Variants in CUX1 observed in about 807,000 individuals in gnomAD.
CUX1 encodes cut like homeobox 1.
CUX1 carries 31 observed loss-of-function variants against 158.8 expected under a neutral mutation model. The observed-to-expected ratio is 0.20, with a 90% CI of 0.15 to 0.26. The LOEUF (loss-of-function observed/expected upper bound fraction) is 0.26, where lower values mean the gene tolerates loss of function less well. CUX1 is among the 10% of genes least tolerant of loss of function. CUX1 has a pLI of 1.00. For missense variants in CUX1, 1,589 were observed against 2,014.6 expected (o/e 0.79, Z 4.04); for synonymous variants, 879 against 862.1 (o/e 1.02, Z -0.34).
At chr7:102,272,355 G>C (rs548419146) in intron 14 of CUX1, among the ~76,000 whole-genome samples, 1 of 152,186 alleles carries the variant, frequency 6.6e-6, no homozygotes, top group South Asian at 2.1e-4. Context: ...CATTTCCCTG[G>C]CACTGCCCAC....
chr7:102,239,263 A>G, intron 22 of CUX1, 57 bp from the exon 23 acceptor site: 6 of 1,547,880 alleles, frequency 3.9e-6, no homozygotes, highest in Non-Finnish European at 3.5e-6. Flanking sequence ...GGGACTGGGG[A>G]TTTGGGCTGC....
intron 12 of CUX1, among the ~76,000 whole-genome samples, chr7:102,192,690 C>T (rs1444744436): frequency 1.3e-5 from 2 of 152,064 alleles, no homozygotes; most frequent in African/African-American, 2.4e-5. Flanking sequence ...GGACAGAGGC[C>T]GAAATTGTGG....
intron 14 of CUX1, among the ~76,000 whole-genome samples, chr7:102,196,299 G>A (rs1794795914): frequency 6.6e-6 from 1 of 152,206 alleles, no homozygotes; most frequent in Admixed American, 6.5e-5. Context: ...AGCGGGCCCA[G>A]TAAGAGGCCC....
At chr7:101,973,945 T>C (rs1812334191) in intron 2 of CUX1, among the ~76,000 whole-genome samples, 1 of 151,742 alleles carries the variant, frequency 6.6e-6, no homozygotes. Context: ...ATTTTTTGTA[T>C]TTTTAGTAGA....
chr7:101,965,590 G>A (rs1378047219), intron 2 of CUX1, among the ~76,000 whole-genome samples: 1 of 152,094 alleles, frequency 6.6e-6, no homozygotes, highest in Non-Finnish European at 1.5e-5. Flanking sequence ...GCTCACGCCT[G>A]TAATCCCAGC....
chr7:102,066,111 C>G (rs891003147), intron 3 of CUX1, among the ~76,000 whole-genome samples: 2 of 152,054 alleles, frequency 1.3e-5, no homozygotes, highest in East Asian at 3.9e-4. Context: ...TTTAAAACCC[C>G]GATGTCCACG....
At chr7:101,921,253 G>T (rs1315097833) in intron 2 of CUX1, among the ~76,000 whole-genome samples, 1 of 152,122 alleles carries the variant, frequency 6.6e-6, no homozygotes. Flanking sequence ...CAGGGTTGCT[G>T]TGTGCACATA....
chr7:101,821,857 G>GTTTTTTTTTTTTTTTT (rs58248170), intron 1 of CUX1, among the ~76,000 whole-genome samples: 3 of 83,400 alleles, frequency 3.6e-5, no homozygotes, highest in Non-Finnish European at 5.0e-5. Context: ...TTGTTTTTTT[G>GTTTTTTTTTTTTTTTT]TTTTTTTTTT....
chr7:102,036,575 C>G (rs1052591049), intron 3 of CUX1, among the ~76,000 whole-genome samples: 1 of 151,752 alleles, frequency 6.6e-6, no homozygotes, highest in African/African-American at 2.4e-5. Context: ...AACTTCGTCT[C>G]TACTAAAAAT....
chr7:101,828,018 C>T (rs1793572090), intron 1 of CUX1, among the ~76,000 whole-genome samples: 1 of 150,248 alleles, frequency 6.7e-6, no homozygotes, highest in Admixed American at 6.6e-5. Context: ...ACCCTGTCAC[C>T]CAGGCTGGAG....
chr7:101,987,643 G>A (rs1814502561), intron 2 of CUX1, among the ~76,000 whole-genome samples: 1 of 152,224 alleles, frequency 6.6e-6, no homozygotes, highest in Admixed American at 6.5e-5. Context: ...CACATTAGAA[G>A]CAAGGGCGGG....
chr7:101,990,669 G>T (rs566208356), intron 2 of CUX1, among the ~76,000 whole-genome samples: 1 of 151,232 alleles, frequency 6.6e-6, no homozygotes, highest in Non-Finnish European at 1.5e-5. Context: ...GAGTCACCGC[G>T]CCTGGCCCAG....
chr7:102,175,583 C>T (rs1001672455), intron 10 of CUX1, among the ~76,000 whole-genome samples: 1 of 152,076 alleles, frequency 6.6e-6, no homozygotes, highest in Non-Finnish European at 1.5e-5. Context: ...AGCCTCTGCA[C>T]CTGCCTGCAT....
chr7:102,013,817 A>G (rs1818301472), intron 2 of CUX1, among the ~76,000 whole-genome samples: 1 of 151,814 alleles, frequency 6.6e-6, no homozygotes, highest in Non-Finnish European at 1.5e-5. Context: ...CCATCCTTCC[A>G]CCTCAGCCTC....
At chr7:101,920,855 C>A (rs1406128922) in intron 2 of CUX1, among the ~76,000 whole-genome samples, 1 of 152,074 alleles carries the variant, frequency 6.6e-6, no homozygotes, top group Non-Finnish European at 1.5e-5. Flanking sequence ...ATATTGCTTT[C>A]TATATTTTTG....
chr7:102,046,952 G>A (rs1220433229), intron 3 of CUX1, among the ~76,000 whole-genome samples: 1 of 152,130 alleles, frequency 6.6e-6, no homozygotes, highest in Non-Finnish European at 1.5e-5. Context: ...TCGCCAAAGC[G>A]ATCTTGTTGC....
intron 3 of CUX1, among the ~76,000 whole-genome samples, chr7:102,043,852 C>T (rs1472208055): frequency 6.6e-6 from 1 of 152,170 alleles, no homozygotes; most frequent in African/African-American, 2.4e-5. Flanking sequence ...CCATGTCTCA[C>T]TAGCACTCGT....
intron 1 of CUX1, among the ~76,000 whole-genome samples, chr7:101,911,706 G>A (rs759953899): frequency 7.2e-5 from 11 of 152,330 alleles, no homozygotes; most frequent in Admixed American, 2.6e-4. Flanking sequence ...TCCTGTTGGT[G>A]ACACCCACTT....
chr7:101,857,123 G>A (rs1584779471), intron 1 of CUX1, among the ~76,000 whole-genome samples: 2 of 152,138 alleles, frequency 1.3e-5, no homozygotes, highest in African/African-American at 2.4e-5. Context: ...TTGGGCCTGC[G>A]CCATGTTCCT....
Sources: allele counts gnomAD v4.1 joint callset (sites outside exome capture counted in the v4.1 genomes callset), GRCh38; gene constraint gnomAD v4.1.1; transcripts MANE v1.5; gene names NCBI Gene and HGNC (gene_info 2026-07-23, HGNC 2026-07-21).